Variants in CORO1A observed in about 807,000 individuals in gnomAD.
The protein encoded by CORO1A is coronin 1A, also known as coronin-1A.
Under a neutral mutation model 44.1 loss-of-function variants are expected in CORO1A, and 17 were observed. That is an observed-to-expected ratio of 0.39 (90% CI 0.26 to 0.58). The LOEUF (loss-of-function observed/expected upper bound fraction) is 0.58. CORO1A is among the 20% of genes least tolerant of loss of function. The pLI is 0.62. For missense variants in CORO1A, 415 were observed against 606.5 expected, an observed-to-expected ratio of 0.68 and a Z score of 3.32; for synonymous variants, 271 against 244.2, an observed-to-expected ratio of 1.11 and a Z score of -1.02.
rs970318080 is a variant in CORO1A, at chr16:30,185,483, G to A, written c.198+76G>A. 5.9e-6 allele frequency: 8 copies of A among 1,358,050 alleles called. No individual in the cohort carries two copies. The African/African-American group carries it at 7.2e-5, about 12-fold the overall frequency. 84.1% of individuals were successfully genotyped at this position (1,358,050 alleles called of 1,614,324 possible). ...TCTGTGCAGGTCCTGATTAGGTGACGGTCACCAGGCCTTCCAGGGCCTGTG... is the reference window on the plus strand; with the variant it reads ...TCTGTGCAGGTCCTGATTAGGTGACAGTCACCAGGCCTTCCAGGGCCTGTG... On this transcript the variant is annotated intron_variant, in intron 2 of 10. Coordinates refer to ENST00000219150, the MANE Select transcript of CORO1A (RefSeq NM_007074.4).
chr16:30,187,432 G>C lies in CORO1A; in HGVS notation c.687G>C (p.Val229=). ...EGTRPVRAVF[V]SEGKILTTGF... ...CCCGGCCCGTGCGTGCAGTGTTCGT[G>C]TCGGAGGGGAAGATCCTGACCACGG... is the stretch of plus-strand genomic sequence containing the variant. The change falls in exon 6 of 11, where the codon GTG becomes GTC. Residue 229 remains valine, a synonymous_variant. Transcript: ENST00000219150. 1 of 1,610,976 alleles carries C rather than the reference G, an allele frequency of 6.2e-7. No homozygotes were observed. The highest frequency in any genetic ancestry group is 8.5e-7 in the Non-Finnish European group (1 of 1,180,020).
Position 30,184,641 on chromosome 16 carries a change from C to A in CORO1A, c.-1-568C>A. The A allele has an allele frequency of 5.2e-6, 1 of 190,970 alleles. No homozygotes were observed. The highest frequency in any genetic ancestry group is 1.1e-5 in the Non-Finnish European group (1 of 90,224). The allele number at this position is 190,970 out of a possible 1,614,324, so 11.8% of individuals were successfully genotyped here. ...TATGGGGAGGAGGAGATACCTGGAC[C>A]TGAGCCAGAGACCTGCTGGGGAAGC... is the stretch of plus-strand genomic sequence containing the variant. On this transcript the variant is annotated intron_variant, in intron 1 of 10. Transcript: ENST00000219150. The surrounding 1 kb of genome is among the most constrained non-coding windows in gnomAD (Gnocchi z 4.3).
Position 30,188,216 on chromosome 16 carries a change from G to A in CORO1A, c.1032G>A (p.Arg344=), listed in dbSNP as rs199896375. The part of the protein sequence containing the change: ...IARFYKLHER[R]CEPIAMTVPR... ...GGTTCTACAAGCTGCACGAGCGGAG[G>A]TGTGAGCCCATTGCCATGACAGTGC... The change falls in exon 9 of 11, where the codon AGG becomes AGA. Residue 344 remains arginine, a synonymous_variant. Transcript: ENST00000219150. 39 of 1,614,154 alleles carry A rather than the reference G, an allele frequency of 2.4e-5. No individual in the cohort carries two copies. In the East Asian group the frequency reaches 5.6e-4, roughly 23 times the overall value.
intron 2 of CORO1A, 89 bp from the exon 3 acceptor site, chr16:30,186,509 T>TCCTCTCTGGG: frequency 6.6e-7 from 1 of 1,520,548 alleles, no homozygotes; most frequent in Non-Finnish European, 9.1e-7. Context: ...ACCACAGCTT[T>TCCTCTCTGGG]CCTCTCTGGG....
chr16:30,183,689 C>G lies in CORO1A; in HGVS notation c.-38C>G, dbSNP rs2073299844. The G allele has an allele frequency of 6.4e-6, 1 of 156,202 alleles. No homozygotes were observed. Among genetic ancestry groups the G allele is most frequent in the South Asian group, 2.0e-4 (1 of 4,924 alleles). 9.7% of individuals were successfully genotyped at this position (156,202 alleles called of 1,614,324 possible). A position where few individuals can be genotyped will look rare whatever the true frequency, so the allele number is the denominator to read the frequency against. ...CCTCTTCCTCCTCCTCCTCCACCTC[C>G]GGCTTTTGGGGGATCACTGTCCTCT... On this transcript the variant is annotated 5_prime_UTR_variant, in exon 1 of 11. Coordinates refer to ENST00000219150, the MANE Select transcript of CORO1A (RefSeq NM_007074.4). This position sits in a 1 kb window ranked among gnomAD's most constrained non-coding sequence, Gnocchi z 5.0.
At position 30,188,189 on chromosome 16, in the gene CORO1A, C is replaced by T. The variant is rs766088082; in HGVS notation, c.1008-3C>T. 6.2e-7 allele frequency: 1 copy of T among 1,614,146 alleles called. No individual in the cohort carries two copies. The highest frequency in any genetic ancestry group is 8.5e-7 in the Non-Finnish European group (1 of 1,180,016). Reference sequence around the variant, plus strand: ...GGCCCCGCTCACCTTCCCCTTCCCACAGGTTCTACAAGCTGCACGAGCGGA... The same window carrying T: ...GGCCCCGCTCACCTTCCCCTTCCCATAGGTTCTACAAGCTGCACGAGCGGA... On this transcript the variant is annotated splice_region_variant and splice_polypyrimidine_tract_variant and intron_variant, in intron 8 of 10. Transcript: ENST00000219150.
Position 30,186,713 on chromosome 16 carries a change from C to T in CORO1A, c.314C>T (p.Thr105Ile), listed in dbSNP as rs1396011275. ...NVIASGSEDC[T>I]VMVWEIPDGG... ...ATTGCCAGTGGCTCCGAGGACTGCACAGTCATGGTGAGTGGTGGTGGGGAC... is the reference window on the plus strand; with the variant it reads ...ATTGCCAGTGGCTCCGAGGACTGCATAGTCATGGTGAGTGGTGGTGGGGAC... The change falls in exon 3 of 11, where the codon ACA becomes ATA. Residue 105 changes from threonine to isoleucine, a missense_variant. Transcript: ENST00000219150. The T allele has an allele frequency of 1.2e-6, 2 of 1,612,210 alleles. No individual in the cohort carries two copies. The highest frequency in any genetic ancestry group is 1.7e-5 in the Admixed American group (1 of 59,902).
In CORO1A at chr16:30,184,105, A is replaced by C. The variant is rs2073305942; in HGVS notation, c.-2+380A>C. ...ACAGGAAGGGGTTGAGAGCAAAACA[A>C]GAAAAGACCAAGTTCCCCTTTCCGT... On this transcript the variant is annotated intron_variant, in intron 1 of 10. Transcript: ENST00000219150. This position sits in a 1 kb window ranked among gnomAD's most constrained non-coding sequence, Gnocchi z 4.3. The C allele has an allele frequency of 6.6e-6, 1 of 152,300 alleles. No homozygotes were observed. The highest frequency in any genetic ancestry group is 2.1e-4 in the South Asian group (1 of 4,842). The allele number at this position is 152,300 out of a possible 1,614,324, so 9.4% of individuals were successfully genotyped here.
At chr16:30,185,021 A>G (rs1213206724) in intron 1 of CORO1A, 188 bp from the exon 2 acceptor site, 1 of 655,866 alleles carries the variant, frequency 1.5e-6, no homozygotes, top group Non-Finnish European at 2.7e-6. Flanking sequence ...GGGGGCTTGC[A>G]GGTTAGAGGG....
chr16:30,187,856 G>A (rs770912789), intron 7 of CORO1A, 27 bp downstream of exon 7: 1 of 748,180 alleles, frequency 1.3e-6, no homozygotes, highest in South Asian at 1.3e-5. Context: ...GGGTGGGGGT[G>A]GGAGGTGGGC....
chr16:30,187,532 C>A, intron 6 of CORO1A, 31 bp downstream of exon 6: 1 of 1,590,850 alleles, frequency 6.3e-7, no homozygotes, highest in Admixed American at 1.7e-5. Flanking sequence ...CCGAGGGCCC[C>A]CAGGCTGGGA....
In CORO1A at chr16:30,185,616, G is replaced by T; in HGVS notation, c.198+209G>T. 6 of 602,646 alleles carry T rather than the reference G, an allele frequency of 1.0e-5. No homozygotes were observed. The South Asian group carries it at 1.2e-4, about 12-fold the overall frequency. The allele number at this position is 602,646 out of a possible 1,614,324, so 37.3% of individuals were successfully genotyped here. A position where few individuals can be genotyped will look rare whatever the true frequency, so the allele number is the denominator to read the frequency against. ...CGCTCAGAAGGAGCCAACACAAGAT[G>T]GGTCACACCAGTGACCAGGACTACA... is the stretch of plus-strand genomic sequence containing the variant. On this transcript the variant is annotated intron_variant, in intron 2 of 10. Transcript: ENST00000219150.
In CORO1A at chr16:30,186,662, C is replaced by T. The variant is rs2073337779; in HGVS notation, c.263C>T (p.Ala88Val). 6.2e-7 allele frequency: 1 copy of T among 1,613,354 alleles called. No individual in the cohort carries two copies. Among genetic ancestry groups the T allele is most frequent in the African/African-American group, 1.3e-5 (1 of 75,052 alleles). Residue 88 changes from alanine to valine, a missense_variant, in exon 3 of 11, where the codon GCC becomes GTC. This residue lies in a region of CORO1A where 325 missense variants were observed against 521.7 expected (regional missense o/e 0.62). Transcript: ENST00000219150. Reference protein sequence around the residue: ...CGHTAPVLDIAWCPHNDNVIA... With the variant: ...CGHTAPVLDIVWCPHNDNVIA... ...CACACAGCCCCTGTGCTAGACATCG[C>T]CTGGTGCCCGCACAATGACAACGTC...
At chr16:30,186,509 T>G in intron 2 of CORO1A, 89 bp from the exon 3 acceptor site, 1 of 1,520,548 alleles carries the variant, frequency 6.6e-7, no homozygotes, top group South Asian at 1.1e-5. Flanking sequence ...ACCACAGCTT[T>G]CCTCTCTGGG....
chr16:30,187,964 T>C lies in CORO1A; in HGVS notation c.884T>C (p.Phe295Ser). ...CAGGGTGACAGCTCAATCCGGTACTTTGAGATCACTTCCGAGGCCCCTTTC... is the reference window on the plus strand; with the variant it reads ...CAGGGTGACAGCTCAATCCGGTACTCTGAGATCACTTCCGAGGCCCCTTTC... ...CGKGDSSIRY[F>S]EITSEAPFLH... is the part of the protein sequence containing the mutation. Residue 295 changes from phenylalanine (F) to serine (S), a missense_variant, in exon 8 of 11, where the codon TTT becomes TCT. This residue lies in a region of CORO1A where 325 missense variants were observed against 521.7 expected (regional missense o/e 0.62). Coordinates refer to ENST00000219150, the MANE Select transcript of CORO1A (RefSeq NM_007074.4). 1 of 1,614,010 alleles carries C rather than the reference T, an allele frequency of 6.2e-7. No individual in the cohort carries two copies.
chr16:30,185,641 A>C, intron 2 of CORO1A: 2 of 587,402 alleles, frequency 3.4e-6, no homozygotes, highest in South Asian at 4.1e-5. Flanking sequence ...CCAGGACTAC[A>C]GACAGTCCTG....
At chr16:30,188,275 G>C (rs1342083011) in intron 9 of CORO1A, 26 bp downstream of exon 9, 1 of 1,612,310 alleles carries the variant, frequency 6.2e-7, no homozygotes. Context: ...CCCACCCTGG[G>C]CTCCAGGCTG....
intron 2 of CORO1A, chr16:30,185,803 T>C: frequency 3.7e-6 from 1 of 270,666 alleles, no homozygotes; most frequent in Non-Finnish European, 7.2e-6. Flanking sequence ...CTAGCAACTC[T>C]GTCCCCCAGC....
chr16:30,187,002 G>C (rs867414746), intron 4 of CORO1A, 37 bp from the exon 5 acceptor site: 3 of 1,613,540 alleles, frequency 1.9e-6, no homozygotes, highest in Non-Finnish European at 1.7e-6. Context: ...ATGAGGGCAG[G>C]AGGCTCATGG....
Sources: allele counts gnomAD v4.1 joint callset, GRCh38; gene constraint gnomAD v4.1.1; regional missense constraint gnomAD v4.1.1; non-coding constraint Gnocchi (gnomAD v3.1); transcripts MANE v1.5; gene names NCBI Gene and HGNC (gene_info 2026-07-23, HGNC 2026-07-21).